The following KLHL31 variants were observed in gnomAD, a reference collection of about 807,000 sequenced individuals.
KLHL31 encodes kelch like family member 31, also known as kelch-like protein 31.
KLHL31 carries 32 observed loss-of-function variants against 47.1 expected under a neutral mutation model. That is an observed-to-expected ratio of 0.68 (90% confidence interval 0.51 to 0.91). KLHL31 has a LOEUF of 0.91. Among genes scored for constraint, KLHL31 ranks in the 40% least tolerant of loss-of-function variants. The pLI, the probability that KLHL31 is intolerant of heterozygous loss-of-function variation, is 0.00. For missense variants in KLHL31, 797 were observed against 819.3 expected, an observed-to-expected ratio of 0.97 and a Z score of 0.33; for synonymous variants, 330 against 325.1, an observed-to-expected ratio of 1.01 and a Z score of -0.16.
intron 1 of KLHL31, among the ~76,000 whole-genome samples, chr6:53,664,938 T>G (rs766466417): frequency 6.6e-6 from 1 of 152,184 alleles, no homozygotes; most frequent in Non-Finnish European, 1.5e-5. Flanking sequence ...GGGGGTGGTT[T>G]CCACTTCACC....
intron 1 of KLHL31, 43 bp from the exon 2 acceptor site, chr6:53,655,348 C>A: frequency 9.8e-7 from 1 of 1,019,156 alleles, no homozygotes; most frequent in Non-Finnish European, 1.4e-6. Context: ...TTTAATTGTG[C>A]TTTAGACTTT....
intron 2 of KLHL31, 43 bp downstream of exon 2, chr6:53,654,058 T>C (rs1487702497): frequency 2.6e-5 from 38 of 1,486,956 alleles, no homozygotes; most frequent in Non-Finnish European, 3.3e-5. Context: ...GCTATTTCCC[T>C]ATAATATTGA....
chr6:53,664,421 A>G (rs74447887), intron 1 of KLHL31, among the ~76,000 whole-genome samples: 8,092 of 152,244 alleles, frequency 0.053, 288 homozygotes, highest in East Asian at 0.092. Context: ...CTTTCCACAC[A>G]CTGGGCTCAG....
Position 53,650,427 on chromosome 6 carries a change from T to C in KLHL31, c.*1171A>G, listed in dbSNP as rs1278355059. On this transcript the variant is annotated 3_prime_UTR_variant, in exon 3 of 3. Transcript: ENST00000370905. ...AGGACAGAATGAGTATATATTTTTA[T>C]ATACGTGAGATGAGTGCTTGATTTT... 6.6e-6 allele frequency: 1 copy of C among 152,198 alleles called. No individual in the cohort carries two copies. Among genetic ancestry groups the C allele is most frequent in the Non-Finnish European group, 1.5e-5 (1 of 68,026 alleles). 9.4% of individuals were successfully genotyped at this position (152,198 alleles called of 1,614,324 possible). A position where few individuals can be genotyped will look rare whatever the true frequency, so the allele number is the denominator to read the frequency against.
chr6:53,653,158 T>A (rs139329831), intron 2 of KLHL31, among the ~76,000 whole-genome samples: 185 of 152,356 alleles, frequency 1.2e-3, no homozygotes, highest in Non-Finnish European at 1.6e-3. Flanking sequence ...AGTGAACTGA[T>A]GCTTTCCTGT....
intron 2 of KLHL31, among the ~76,000 whole-genome samples, chr6:53,652,636 T>C (rs1487862798): frequency 6.6e-6 from 1 of 152,080 alleles, no homozygotes; most frequent in Non-Finnish European, 1.5e-5. Context: ...AGTCCCCCTT[T>C]CCTCCATATT....
chr6:53,657,649 TG>T (rs1764583171), intron 1 of KLHL31, among the ~76,000 whole-genome samples: 1 of 151,190 alleles, frequency 6.6e-6, no homozygotes, highest in Non-Finnish European at 1.5e-5. Context: ...TGTGTGTGTG[TG>T]TGTGTTTTAA....
intron 1 of KLHL31, among the ~76,000 whole-genome samples, chr6:53,663,398 T>C (rs1764675481): frequency 6.6e-6 from 1 of 152,216 alleles, no homozygotes; most frequent in Admixed American, 6.5e-5. Flanking sequence ...ATCCTGTGGA[T>C]TTCTTTATCC....
chr6:53,655,609 CTTT>C (rs11358787), intron 1 of KLHL31, among the ~76,000 whole-genome samples: 17 of 114,230 alleles, frequency 1.5e-4, no homozygotes, highest in Non-Finnish European at 2.0e-4. Flanking sequence ...TTCTTTTTTT[CTTT>C]TTTTTTTTTT....
At position 53,654,394 on chromosome 6, in the gene KLHL31, G is replaced by C; in HGVS notation, c.879C>G (p.Asn293Lys). Residue 293 changes from asparagine to lysine, a missense_variant, in exon 2 of 3, where the codon AAC becomes AAG. By Grantham distance (94) the Asn-to-Lys change is moderately conservative (BLOSUM62 0). Coordinates refer to ENST00000370905, the MANE Select transcript of KLHL31 (RefSeq NM_001003760.5). The stretch of plus-strand genomic sequence containing the variant: ...TTTGATGATATGGAAGCAAGTGGTA[G>C]TTCATAGCATCTACGAGAAGTCTGT... Reference protein sequence around the residue: ...DCHRLLVDAMNYHLLPYHQNT... With the variant: ...DCHRLLVDAMKYHLLPYHQNT... The C allele has an allele frequency of 6.2e-7, 1 of 1,614,232 alleles. No homozygotes were observed. The highest frequency in any genetic ancestry group is 1.1e-5 in the South Asian group (1 of 91,086).
chr6:53,651,475 T>C lies in KLHL31; in HGVS notation c.*123A>G, dbSNP rs575268112. On this transcript the variant is annotated 3_prime_UTR_variant, in exon 3 of 3. Coordinates refer to ENST00000370905, the MANE Select transcript of KLHL31 (RefSeq NM_001003760.5). ...AGCCATCAGGACATGTGCCTCGACA[T>C]ATTTTACAATACAATCAGTGTAGTA... The C allele has an allele frequency of 6.8e-6, 6 of 879,816 alleles. No individual in the cohort carries two copies. Among genetic ancestry groups the C allele is most frequent in the Non-Finnish European group, 9.6e-6 (6 of 627,066 alleles). The allele number at this position is 879,816 out of a possible 1,614,324, so 54.5% of individuals were successfully genotyped here. A position where few individuals can be genotyped will look rare whatever the true frequency, so the allele number is the denominator to read the frequency against.
rs1263010731 is a variant in KLHL31, at chr6:53,654,924, A to T, written c.349T>A (p.Ser117Thr). ...SIQRVDLNDISPLGLATVIAY... is the reference protein window; with the variant it reads ...SIQRVDLNDITPLGLATVIAY... ...ATGACAGTGGCCAGGCCTAGTGGTGAGATATCATTGAGATCCACCCTCTGA... is the reference window on the plus strand; with the variant it reads ...ATGACAGTGGCCAGGCCTAGTGGTGTGATATCATTGAGATCCACCCTCTGA... Residue 117 changes from serine to threonine, a missense_variant, in exon 2 of 3, where the codon TCA becomes ACA. Coordinates refer to ENST00000370905, the MANE Select transcript of KLHL31 (RefSeq NM_001003760.5). 2.4e-5 allele frequency: 38 copies of T among 1,614,014 alleles called. No homozygotes were observed. Among genetic ancestry groups the T allele is most frequent in the Middle Eastern group, 1.6e-4 (1 of 6,062 alleles).
At chr6:53,655,506 T>A (rs1167365006) in intron 1 of KLHL31, among the ~76,000 whole-genome samples, 2 of 152,212 alleles carry the variant, frequency 1.3e-5, no homozygotes, top group African/African-American at 4.8e-5. Flanking sequence ...AAGACAATTC[T>A]AGGAAGATTT....
At chr6:53,662,455 T>C (rs1764661189) in intron 1 of KLHL31, among the ~76,000 whole-genome samples, 1 of 152,172 alleles carries the variant, frequency 6.6e-6, no homozygotes, top group African/African-American at 2.4e-5. Flanking sequence ...CCTTCCCTTT[T>C]TGGGTCAAAG....
Position 53,648,022 on chromosome 6 carries a change from A to G in KLHL31, c.*3576T>C, listed in dbSNP as rs1283188148. 1 of 152,672 alleles carries G rather than the reference A, an allele frequency of 6.5e-6. No homozygotes were observed. The highest frequency in any genetic ancestry group is 1.5e-5 in the Non-Finnish European group (1 of 68,034). The allele number at this position is 152,672 out of a possible 1,614,324, so 9.5% of individuals were successfully genotyped here. ...ATATAGTACCAGAATGTTTTAAGCA[A>G]AGAAAGAAATTTTTTTGCCAAAATT... On this transcript the variant is annotated 3_prime_UTR_variant, in exon 3 of 3. Transcript: ENST00000370905.
At chr6:53,663,593 T>C (rs1764677835) in intron 1 of KLHL31, among the ~76,000 whole-genome samples, 1 of 152,246 alleles carries the variant, frequency 6.6e-6, no homozygotes, top group African/African-American at 2.4e-5. Context: ...TGGTTCAACT[T>C]AGCTAGAGGC....
chr6:53,654,050 T>C, intron 2 of KLHL31, 51 bp downstream of exon 2: 2 of 1,427,240 alleles, frequency 1.4e-6, no homozygotes, highest in Admixed American at 2.1e-5. Context: ...ATGTTAGGGC[T>C]ATTTCCCTAT....
Position 53,654,890 on chromosome 6 carries a change from G to A in KLHL31, c.383C>T (p.Ala128Val). 1 of 1,614,134 alleles carries A rather than the reference G, an allele frequency of 6.2e-7. No homozygotes were observed. The highest frequency in any genetic ancestry group is 1.7e-5 in the Admixed American group (1 of 60,020). The change falls in exon 2 of 3, where the codon GCC becomes GTC. Residue 128 changes from alanine to valine, a missense_variant. Physicochemically the swap from Ala to Val is moderately conservative, Grantham distance 64. Transcript: ENST00000370905. ...GGAGAGAGTGAGCTTTCCAGTGTAG[G>A]CATATGCAATGACAGTGGCCAGGCC... The part of the protein sequence containing the change: ...PLGLATVIAY[A>V]YTGKLTLSLY...
chr6:53,664,927 G>C (rs892557628), intron 1 of KLHL31, among the ~76,000 whole-genome samples: 2 of 152,148 alleles, frequency 1.3e-5, no homozygotes, highest in Non-Finnish European at 2.9e-5. Flanking sequence ...GTGGGGTGTA[G>C]GGGGGTGGTT....
Sources: allele counts gnomAD v4.1 joint callset (sites outside exome capture counted in the v4.1 genomes callset), GRCh38; gene constraint gnomAD v4.1.1; transcripts MANE v1.5; gene names NCBI Gene and HGNC (gene_info 2026-07-23, HGNC 2026-07-21).